TAF3: variants seen among roughly 807,000 people sequenced by gnomAD.
TAF3 encodes the protein TATA-box binding protein associated factor 3.
Under a neutral mutation model 80.6 loss-of-function variants are expected in TAF3, and 7 were observed. The observed-to-expected ratio is 0.09, with a 90% CI of 0.05 to 0.16. TAF3 has a LOEUF of 0.16. Ranked by LOEUF, TAF3 falls within the 10% of genes least tolerant of loss-of-function variation. The probability of loss-of-function intolerance (pLI) is 1.00; values close to 1 mark genes in which losing one functional copy is unlikely to be tolerated. For missense variants in TAF3, 921 were observed against 1,140.2 expected (o/e 0.81, Z 2.77); for synonymous variants, 444 against 446.1 (o/e 1.00, Z 0.06).
intron 2 of TAF3, among the ~76,000 whole-genome samples, chr10:7,912,656 A>C (rs569317351): frequency 6.6e-6 from 1 of 152,304 alleles, no homozygotes; most frequent in South Asian, 2.1e-4. Context: ...AATCTTTGGG[A>C]ATTTGTAGGT....
intron 2 of TAF3, among the ~76,000 whole-genome samples, chr10:7,870,702 ACTT>A (rs1336203963): frequency 6.6e-6 from 1 of 151,754 alleles, no homozygotes; most frequent in African/African-American, 2.4e-5. Flanking sequence ...GCCTTCCTTC[ACTT>A]CTTCTCTAAG....
At chr10:7,886,071 G>A (rs2131158820) in intron 2 of TAF3, among the ~76,000 whole-genome samples, 1 of 152,264 alleles carries the variant, frequency 6.6e-6, no homozygotes, top group Admixed American at 6.5e-5. Context: ...TGGGACTACA[G>A]GGGTCCACCA....
In TAF3 at chr10:8,000,074, G is replaced by A. The variant is rs145146347; in HGVS notation, c.2316-9004G>A. 2.3e-4 allele frequency among the ~76,000 whole-genome samples: 35 copies of A among 152,262 alleles called. No homozygotes were observed. The East Asian group carries it at 6.8e-3, about 29-fold the overall frequency. ...CTCAAGCCATCCTTAAAAATTCCTA[G>A]CAACAGTTTAGACGTATACATTGTA... is the stretch of plus-strand genomic sequence containing the variant. On this transcript the variant is annotated intron_variant, in intron 4 of 6. Transcript: ENST00000344293.
chr10:7,879,503 T>C (rs1335238568), intron 2 of TAF3, among the ~76,000 whole-genome samples: 1 of 152,244 alleles, frequency 6.6e-6, no homozygotes, highest in African/African-American at 2.4e-5. Flanking sequence ...CTGTCTTATT[T>C]GGAAAATGAC....
At chr10:7,962,057 C>T (rs779183016) in intron 2 of TAF3, among the ~76,000 whole-genome samples, 28 of 152,082 alleles carry the variant, frequency 1.8e-4, no homozygotes, top group Non-Finnish European at 4.0e-4. Flanking sequence ...CACTATGTTG[C>T]CCAGGCTGGT....
intron 2 of TAF3, among the ~76,000 whole-genome samples, chr10:7,911,661 G>T (rs972733939): frequency 6.6e-6 from 1 of 152,150 alleles, no homozygotes; most frequent in African/African-American, 2.4e-5. Flanking sequence ...CATCCTGAAC[G>T]TACGCTTAGT....
At chr10:8,013,885 GC>G in intron 6 of TAF3, 48 bp downstream of exon 6, 1 of 1,508,680 alleles carries the variant, frequency 6.6e-7, no homozygotes, top group Non-Finnish European at 9.2e-7. Context: ...GGCAGCATCA[GC>G]CGCTCCTGAG....
chr10:7,963,014 G>T (rs531741996), intron 2 of TAF3, among the ~76,000 whole-genome samples: 1 of 152,316 alleles, frequency 6.6e-6, no homozygotes, highest in East Asian at 1.9e-4. Context: ...GAGAGGTTGA[G>T]AGAGTCCCTA....
intron 3 of TAF3, among the ~76,000 whole-genome samples, chr10:7,976,128 T>C (rs1170339509): frequency 6.6e-6 from 1 of 152,254 alleles, no homozygotes; most frequent in Non-Finnish European, 1.5e-5. Context: ...ACTTAGTTTC[T>C]GTGTTCTCTT....
intron 3 of TAF3, among the ~76,000 whole-genome samples, chr10:7,969,692 C>T (rs1831604349): frequency 6.6e-6 from 1 of 152,148 alleles, no homozygotes; most frequent in African/African-American, 2.4e-5. Context: ...AGTGGGGGAT[C>T]TGTTTTTACA....
At chr10:7,874,155 A>T (rs1837293778) in intron 2 of TAF3, among the ~76,000 whole-genome samples, 1 of 152,200 alleles carries the variant, frequency 6.6e-6, no homozygotes, top group South Asian at 2.1e-4. Context: ...TATCTATCTG[A>T]ATGGAGCTCA....
intron 2 of TAF3, among the ~76,000 whole-genome samples, chr10:7,937,452 A>G (rs559114480): frequency 1.3e-4 from 20 of 152,272 alleles, no homozygotes; most frequent in African/African-American, 4.8e-4. Context: ...ACATCTTTTC[A>G]TCTTTTCCTG....
intron 4 of TAF3, among the ~76,000 whole-genome samples, chr10:8,008,257 C>T (rs1179353851): frequency 2.0e-5 from 3 of 152,030 alleles, no homozygotes; most frequent in East Asian, 1.9e-4. Context: ...CCACTGCACC[C>T]GGCTAATTTT....
chr10:7,820,354 A>G (rs962786460), intron 1 of TAF3, among the ~76,000 whole-genome samples: 7 of 152,234 alleles, frequency 4.6e-5, no homozygotes, highest in African/African-American at 7.2e-5. Flanking sequence ...CTGTAGGGCC[A>G]TTATATAATA....
chr10:7,898,328 C>A (rs562290138), intron 2 of TAF3, among the ~76,000 whole-genome samples: 1 of 152,170 alleles, frequency 6.6e-6, no homozygotes, highest in South Asian at 2.1e-4. Flanking sequence ...GGGTGGATCA[C>A]CTGAGGTCAG....
At chr10:7,864,501 T>C (rs556118776) in intron 2 of TAF3, among the ~76,000 whole-genome samples, 1 of 152,332 alleles carries the variant, frequency 6.6e-6, no homozygotes, top group Non-Finnish European at 1.5e-5. Flanking sequence ...TTAACCGTAG[T>C]CACATTGCTA....
chr10:7,923,121 C>T (rs570677546), intron 2 of TAF3, among the ~76,000 whole-genome samples: 2 of 152,164 alleles, frequency 1.3e-5, no homozygotes, highest in South Asian at 4.2e-4. Flanking sequence ...TTACATTCTA[C>T]TATGAGTATG....
At chr10:7,983,780 A>G (rs1418108899) in intron 4 of TAF3, among the ~76,000 whole-genome samples, 1 of 152,174 alleles carries the variant, frequency 6.6e-6, no homozygotes, top group Non-Finnish European at 1.5e-5. Flanking sequence ...TCAAGGCTAC[A>G]GTGAGCTGTC....
At chr10:7,851,111 C>T (rs1439451222) in intron 2 of TAF3, among the ~76,000 whole-genome samples, 1 of 152,070 alleles carries the variant, frequency 6.6e-6, no homozygotes, top group East Asian at 1.9e-4. Flanking sequence ...AGGATAAGTA[C>T]TATGAGAAAA....
Sources: gnomAD v4.1 joint callset for allele counts (sites outside exome capture counted in the v4.1 genomes callset) on GRCh38, gnomAD v4.1.1 for gene constraint, MANE v1.5 for transcripts, NCBI Gene and HGNC (gene_info 2026-07-23, HGNC 2026-07-21) for gene names.